GABRB2: variants seen among roughly 807,000 people sequenced by gnomAD.
GABRB2 encodes gamma-aminobutyric acid receptor subunit beta-2.
In GABRB2, 16 loss-of-function variants were observed where a neutral mutation model predicts 54.7. That is an observed-to-expected ratio of 0.29 (90% CI 0.20 to 0.44). GABRB2 has a LOEUF of 0.44. GABRB2 is among the 20% of genes least tolerant of loss of function. The pLI is 1.00. For missense variants in GABRB2, 355 were observed against 644.0 expected, an observed-to-expected ratio of 0.55 and a Z score of 4.86; for synonymous variants, 244 against 233.8, an observed-to-expected ratio of 1.04 and a Z score of -0.40.
chr5:161,530,953 A>C (rs1203820709), intron 3 of GABRB2, among the ~76,000 whole-genome samples: 3 of 152,116 alleles, frequency 2.0e-5, no homozygotes, highest in African/African-American at 7.2e-5. Context: ...TGGTGCACCC[A>C]GCTGATCAAA....
chr5:161,528,756 A>T (rs1760363575), intron 3 of GABRB2, among the ~76,000 whole-genome samples: 1 of 151,900 alleles, frequency 6.6e-6, no homozygotes, highest in Non-Finnish European at 1.5e-5. Context: ...TGATTTTGTT[A>T]TTAATTTTTA....
intron 5 of GABRB2, among the ~76,000 whole-genome samples, chr5:161,394,079 C>T (rs1277177179): frequency 6.6e-6 from 1 of 151,720 alleles, no homozygotes. Flanking sequence ...TAGGAAAACG[C>T]CTACTAACTG....
intron 5 of GABRB2, among the ~76,000 whole-genome samples, chr5:161,365,246 A>C (rs1754940342): frequency 6.6e-6 from 1 of 152,188 alleles, no homozygotes; most frequent in Non-Finnish European, 1.5e-5. Context: ...AATGTCAATA[A>C]ATGTCTTTCA....
intron 5 of GABRB2, among the ~76,000 whole-genome samples, chr5:161,393,075 C>CT (rs1561634399): frequency 2.6e-5 from 4 of 151,292 alleles, no homozygotes; most frequent in African/African-American, 7.3e-5. Flanking sequence ...TTACACAGAT[C>CT]TTTTTTTTAA....
chr5:161,513,974 A>G (rs1172909125), intron 3 of GABRB2, among the ~76,000 whole-genome samples: 1 of 152,100 alleles, frequency 6.6e-6, no homozygotes, highest in East Asian at 1.9e-4. Context: ...TTGCTTTTTC[A>G]AAAACAAATT....
At chr5:161,396,233 C>G (rs547839680) in intron 5 of GABRB2, among the ~76,000 whole-genome samples, 2 of 152,104 alleles carry the variant, frequency 1.3e-5, no homozygotes. Context: ...CCCAAGTAAA[C>G]CCCATCCATT....
intron 5 of GABRB2, among the ~76,000 whole-genome samples, chr5:161,363,964 G>T (rs952194922): frequency 1.3e-5 from 2 of 152,136 alleles, no homozygotes; most frequent in Admixed American, 6.6e-5. Flanking sequence ...GAAAATTGTT[G>T]TATGTTTTCG....
chr5:161,470,151 G>A (rs1029635152), intron 3 of GABRB2, among the ~76,000 whole-genome samples: 4 of 151,078 alleles, frequency 2.6e-5, no homozygotes, highest in African/African-American at 9.7e-5. Context: ...CTTCCATGAG[G>A]ATCCTTCCAC....
chr5:161,498,091 AAAT>A (rs1759313745), intron 3 of GABRB2, among the ~76,000 whole-genome samples: 1 of 152,178 alleles, frequency 6.6e-6, no homozygotes, highest in Non-Finnish European at 1.5e-5. Context: ...GCAGCCATAA[AAAT>A]AATACTTTAT....
At chr5:161,477,427 C>A (rs539135303) in intron 3 of GABRB2, among the ~76,000 whole-genome samples, 1 of 151,692 alleles carries the variant, frequency 6.6e-6, no homozygotes, top group Non-Finnish European at 1.5e-5. Flanking sequence ...AATAGAATTG[C>A]TATACAATCC....
chr5:161,485,834 C>T (rs1383323245), intron 3 of GABRB2, among the ~76,000 whole-genome samples: 1 of 151,912 alleles, frequency 6.6e-6, no homozygotes, highest in African/African-American at 2.4e-5. Flanking sequence ...TTTTCCTTTA[C>T]ACCCTGGAAC....
intron 3 of GABRB2, among the ~76,000 whole-genome samples, chr5:161,499,602 T>A (rs970293645): frequency 3.9e-5 from 6 of 152,210 alleles, no homozygotes; most frequent in Admixed American, 3.3e-4. Flanking sequence ...CATGCAGTAT[T>A]TTTAAAACAA....
chr5:161,394,683 C>T (rs74352721), intron 5 of GABRB2, among the ~76,000 whole-genome samples: 2,922 of 152,028 alleles, frequency 0.019, 39 homozygotes, highest in Middle Eastern at 0.082. Flanking sequence ...TTTAAAGTCC[C>T]ATATCTGTTA....
At chr5:161,355,274 CATATATATAATATATAGA>C (rs1364468492) in intron 5 of GABRB2, among the ~76,000 whole-genome samples, 1 of 148,136 alleles carries the variant, frequency 6.8e-6, no homozygotes, top group Non-Finnish European at 1.5e-5. Flanking sequence ...TTCACTGTGA[CATATATATAATATATAGA>C]AAATATATGT....
At chr5:161,486,906 T>C (rs1758941278) in intron 3 of GABRB2, among the ~76,000 whole-genome samples, 1 of 151,876 alleles carries the variant, frequency 6.6e-6, no homozygotes, top group Non-Finnish European at 1.5e-5. Flanking sequence ...CTTTTTGATA[T>C]CCTCTGAAGT....
At chr5:161,326,119 C>A (rs1014364283) in intron 9 of GABRB2, among the ~76,000 whole-genome samples, 2 of 152,162 alleles carry the variant, frequency 1.3e-5, no homozygotes, top group East Asian at 3.9e-4. Context: ...CATTTAATTT[C>A]TTTCCCTAAC....
chr5:161,481,933 T>G (rs539351874), intron 3 of GABRB2, among the ~76,000 whole-genome samples: 3 of 152,098 alleles, frequency 2.0e-5, no homozygotes, highest in Admixed American at 6.6e-5. Context: ...AATCCAATAC[T>G]TAGAAACGGG....
At chr5:161,303,455 C>G (rs558840758) in intron 9 of GABRB2, among the ~76,000 whole-genome samples, 1 of 152,034 alleles carries the variant, frequency 6.6e-6, no homozygotes, top group East Asian at 1.9e-4. Context: ...GATCGGGGAC[C>G]TATGTCATCT....
chr5:161,458,589 C>G (rs1377181541), intron 4 of GABRB2, among the ~76,000 whole-genome samples: 1 of 152,126 alleles, frequency 6.6e-6, no homozygotes, highest in Non-Finnish European at 1.5e-5. Flanking sequence ...TTGGAGGCAT[C>G]CTGTTGAGGG....
Sources: allele counts gnomAD v4.1 joint callset (sites outside exome capture counted in the v4.1 genomes callset), GRCh38; gene constraint gnomAD v4.1.1; transcripts MANE v1.5; gene names NCBI Gene and HGNC (gene_info 2026-07-23, HGNC 2026-07-21).